GRM8: variants seen among roughly 807,000 people sequenced by gnomAD.
GRM8 encodes glutamate metabotropic receptor 8, also known as metabotropic glutamate receptor 8.
In GRM8, 47 loss-of-function variants were observed where a neutral mutation model predicts 87.2. That is an observed-to-expected ratio of 0.54 (90% CI 0.43 to 0.69). The LOEUF is 0.69. GRM8 is among the 30% of genes least tolerant of loss of function. The probability of loss-of-function intolerance (pLI) is 0.00; values close to 1 mark genes in which losing one functional copy is unlikely to be tolerated. For missense variants in GRM8, 1,019 were observed against 1,139.2 expected (o/e 0.89, Z 1.52); for synonymous variants, 396 against 404.5 (o/e 0.98, Z 0.25).
intron 6 of GRM8, among the ~76,000 whole-genome samples, chr7:126,853,945 C>T (rs1453173171): frequency 6.6e-6 from 1 of 152,162 alleles, no homozygotes. Context: ...GCTTGCCCAT[C>T]AGTGGAAGTT....
intron 8 of GRM8, among the ~76,000 whole-genome samples, chr7:126,590,851 C>T (rs1796604106): frequency 1.3e-5 from 2 of 152,144 alleles, no homozygotes; most frequent in South Asian, 4.1e-4. Context: ...CAAGCCAGCA[C>T]TGTAAGAACT....
chr7:126,892,976 A>G (rs1253926328), intron 6 of GRM8, among the ~76,000 whole-genome samples: 2 of 152,110 alleles, frequency 1.3e-5, no homozygotes, highest in African/African-American at 4.8e-5. Context: ...CAAGAAAAAA[A>G]CAACCCCATC....
At chr7:126,958,064 G>A (rs1471956083) in intron 3 of GRM8, among the ~76,000 whole-genome samples, 1 of 152,128 alleles carries the variant, frequency 6.6e-6, no homozygotes, top group Non-Finnish European at 1.5e-5. Context: ...GGTGTCTCGG[G>A]TCTCAGGGGT....
intron 2 of GRM8, among the ~76,000 whole-genome samples, chr7:127,170,951 A>T (rs746646820): frequency 4.6e-5 from 7 of 152,194 alleles, no homozygotes; most frequent in Non-Finnish European, 4.4e-5. Context: ...GAACTTATTC[A>T]TGTAACCAAA....
Position 127,200,205 on chromosome 7 carries a change from C to T in GRM8, c.510+42490G>A, listed in dbSNP as rs550324725. 7.2e-5 allele frequency among the ~76,000 whole-genome samples: 11 copies of T among 152,246 alleles called. No homozygotes were observed. In the South Asian group the frequency reaches 2.3e-3, roughly 32 times the overall value. On this transcript the variant is annotated intron_variant, in intron 2 of 10. Transcript: ENST00000339582. ...GGTCTATGTAAGTTCACCTGTTTAG[C>T]AAAGGGATGGGATTGACTAATTGGA...
At chr7:126,566,768 G>A (rs552316646) in intron 8 of GRM8, among the ~76,000 whole-genome samples, 2 of 152,166 alleles carry the variant, frequency 1.3e-5, no homozygotes, top group Non-Finnish European at 2.9e-5. Flanking sequence ...GTCAAGATGT[G>A]GAAACAATCT....
chr7:126,905,908 C>T (rs1216643076), intron 3 of GRM8, among the ~76,000 whole-genome samples: 1 of 152,162 alleles, frequency 6.6e-6, no homozygotes, highest in Non-Finnish European at 1.5e-5. Flanking sequence ...TATGTAAAAA[C>T]CTAGCATGAT....
chr7:126,619,222 T>C (rs911996839), intron 7 of GRM8, among the ~76,000 whole-genome samples: 2 of 152,106 alleles, frequency 1.3e-5, no homozygotes, highest in African/African-American at 4.8e-5. Context: ...ATGTCCTTTG[T>C]AGGGACATGG....
chr7:126,605,255 T>G (rs1351752381), intron 8 of GRM8, among the ~76,000 whole-genome samples: 1 of 152,148 alleles, frequency 6.6e-6, no homozygotes, highest in Non-Finnish European at 1.5e-5. Context: ...TCTTGAGAGA[T>G]TCTGCCTAAT....
intron 7 of GRM8, among the ~76,000 whole-genome samples, chr7:126,686,164 C>G (rs1350837741): frequency 6.6e-6 from 1 of 151,752 alleles, no homozygotes; most frequent in Non-Finnish European, 1.5e-5. Context: ...GAGATGAACA[C>G]TCACTGGGAT....
rs145547284 is a variant in GRM8, at chr7:127,197,109, T to G, written c.510+45586A>C. 2.5e-3 allele frequency among the ~76,000 whole-genome samples: 382 copies of G among 152,352 alleles called. 4 individuals carry two copies. Among genetic ancestry groups the G allele is most frequent in the African/African-American group, 8.7e-3 (363 of 41,586 alleles). ...AATTCTGAATTCACTAATATTGGTC[T>G]AGGTTGTTTCTATATTATTTGCATC... On this transcript the variant is annotated intron_variant, in intron 2 of 10. Transcript: ENST00000339582.
chr7:126,872,421 A>G (rs971576078), intron 6 of GRM8, among the ~76,000 whole-genome samples: 4 of 152,018 alleles, frequency 2.6e-5, no homozygotes, highest in Non-Finnish European at 5.9e-5. Context: ...CCACCACCAA[A>G]AGGAATATTA....
intron 9 of GRM8, among the ~76,000 whole-genome samples, chr7:126,527,358 AAAAAGAAAAG>A (rs899120970): frequency 1.3e-5 from 2 of 152,326 alleles, no homozygotes; most frequent in African/African-American, 4.8e-5. Context: ...ACTTCATCTC[AAAAAGAAAAG>A]AAAAGAAAAG....
chr7:126,655,869 T>C (rs4731319), intron 7 of GRM8, among the ~76,000 whole-genome samples: 3 of 152,172 alleles, frequency 2.0e-5, no homozygotes, highest in Non-Finnish European at 2.9e-5. Context: ...GGGAAAGATA[T>C]AGCATTAAAA....
chr7:126,811,650 T>G (rs1383211711), intron 6 of GRM8, among the ~76,000 whole-genome samples: 1 of 152,072 alleles, frequency 6.6e-6, no homozygotes, highest in African/African-American at 2.4e-5. Flanking sequence ...ACCTTCTTGA[T>G]TTGATTCTCA....
chr7:126,602,788 C>G (rs1250710449), intron 8 of GRM8, among the ~76,000 whole-genome samples: 1 of 151,212 alleles, frequency 6.6e-6, no homozygotes, highest in East Asian at 2.0e-4. Flanking sequence ...GGATTCACAG[C>G]TGAATTCTAC....
At position 126,924,451 on chromosome 7, in the gene GRM8, T is replaced by A. The variant is rs139388808; in HGVS notation, c.728-19768A>T. Among the ~76,000 whole-genome samples, 8 of 152,294 alleles carry A rather than the reference T, an allele frequency of 5.3e-5. No homozygotes were observed. In the East Asian group the frequency reaches 1.5e-3, roughly 29 times the overall value. ...ATAATCCCTCTGGATCTCATGGATGTCCCAGATACAGTAACTCGTGCAACA... is the reference window on the plus strand; with the variant it reads ...ATAATCCCTCTGGATCTCATGGATGACCCAGATACAGTAACTCGTGCAACA... On this transcript the variant is annotated intron_variant, in intron 3 of 10. Coordinates refer to ENST00000339582, the MANE Select transcript of GRM8 (RefSeq NM_000845.3).
At chr7:127,210,944 G>A (rs1192774453) in intron 2 of GRM8, among the ~76,000 whole-genome samples, 1 of 152,194 alleles carries the variant, frequency 6.6e-6, no homozygotes, top group Non-Finnish European at 1.5e-5. Flanking sequence ...GTAAACTTCT[G>A]AAAGCCAATA....
chr7:126,718,093 A>G (rs2299499), intron 7 of GRM8, among the ~76,000 whole-genome samples: 72,126 of 151,490 alleles, frequency 0.48, 18,528 homozygotes, highest in African/African-American at 0.67. Flanking sequence ...AAAAATTAGC[A>G]GGGCGTGGTG....
Sources: allele counts gnomAD v4.1 joint callset (sites outside exome capture counted in the v4.1 genomes callset), GRCh38; gene constraint gnomAD v4.1.1; transcripts MANE v1.5; gene names NCBI Gene and HGNC (gene_info 2026-07-23, HGNC 2026-07-21).